EIPR1: variants seen among roughly 807,000 people sequenced by gnomAD.
EIPR1 encodes EARP complex and GARP complex interacting protein 1.
EIPR1 carries 25 observed loss-of-function variants against 48.1 expected under a neutral mutation model. The observed-to-expected ratio is 0.52, with a 90% confidence interval of 0.38 to 0.73. The LOEUF is 0.73. Among genes scored for constraint, EIPR1 ranks in the 30% least tolerant of loss-of-function variants. EIPR1 has a pLI of 0.00. For synonymous variants in EIPR1, 204 were observed against 201.9 expected, an observed-to-expected ratio of 1.01 and a Z score of -0.09; for missense variants, 415 against 506.2, an observed-to-expected ratio of 0.82 and a Z score of 1.73.
intron 3 of EIPR1, among the ~76,000 whole-genome samples, chr2:3,308,607 G>A (rs1244849534): frequency 2.0e-5 from 3 of 152,164 alleles, no homozygotes; most frequent in African/African-American, 7.2e-5. Context: ...TGGGAATAAT[G>A]GACAGAGAGT....
intron 3 of EIPR1, among the ~76,000 whole-genome samples, chr2:3,336,136 G>T (rs1046077916): frequency 3.3e-5 from 5 of 152,178 alleles, no homozygotes; most frequent in Admixed American, 6.5e-5. Context: ...GGAGGGTGAA[G>T]GGTCAAGGAT....
At position 3,189,168 on chromosome 2, in the gene EIPR1, C is replaced by G. The variant is rs775802376; in HGVS notation, c.*166G>C. The G allele has an allele frequency of 1.5e-6, 1 of 657,358 alleles. No homozygotes were observed. The highest frequency in any genetic ancestry group is 3.1e-5 in the East Asian group (1 of 32,776). 40.7% of individuals were successfully genotyped at this position (657,358 alleles called of 1,614,324 possible). On this transcript the variant is annotated 3_prime_UTR_variant, in exon 9 of 9. Coordinates refer to ENST00000382125, the MANE Select transcript of EIPR1 (RefSeq NM_003310.5). This position sits in a 1 kb window ranked among gnomAD's most constrained non-coding sequence, Gnocchi z 4.6. ...GCATTAGCTGTGCCGTCGACAATAG[C>G]CCCATTCACCCCATTCATAAATGCT...
chr2:3,328,793 G>A (rs1669784651), intron 3 of EIPR1, among the ~76,000 whole-genome samples: 1 of 139,158 alleles, frequency 7.2e-6, no homozygotes, highest in Non-Finnish European at 1.6e-5. Context: ...GCACCAGCCA[G>A]GCTCCCCTGA....
intron 3 of EIPR1, among the ~76,000 whole-genome samples, chr2:3,322,165 C>T (rs910890083): frequency 5.3e-5 from 8 of 152,204 alleles, no homozygotes; most frequent in Non-Finnish European, 8.8e-5. Flanking sequence ...GCAGGGCCTC[C>T]GTGGTGCCTT....
At chr2:3,372,638 G>A (rs1007160121) in intron 1 of EIPR1, among the ~76,000 whole-genome samples, 23 of 152,260 alleles carry the variant, frequency 1.5e-4, no homozygotes, top group Admixed American at 1.4e-3. Context: ...AGAAGAAATG[G>A]ATAAATTCCT....
chr2:3,207,134 TACCCACACACCCATCCACGCGTCC>T (rs1338033910), intron 5 of EIPR1, among the ~76,000 whole-genome samples: 1 of 152,172 alleles, frequency 6.6e-6, no homozygotes, highest in Non-Finnish European at 1.5e-5. Flanking sequence ...CGCATCCATG[TACCCACACACCCATCCACGCGTCC>T]ACCCACCCAC....
chr2:3,267,265 G>C (rs533764106), intron 3 of EIPR1, among the ~76,000 whole-genome samples: 227 of 152,346 alleles, frequency 1.5e-3, no homozygotes, highest in Non-Finnish European at 2.6e-3. Flanking sequence ...ATGATGACAG[G>C]AAGGACCAGA....
At chr2:3,377,608 G>T (rs370420558) in intron 1 of EIPR1, 40 bp downstream of exon 1, 11 of 1,557,058 alleles carry the variant, frequency 7.1e-6, no homozygotes, top group Non-Finnish European at 8.7e-6. Flanking sequence ...GCTATCAACA[G>T]CCAGGCCGAG....
chr2:3,284,447 G>C (rs1433055801), intron 3 of EIPR1, among the ~76,000 whole-genome samples: 1 of 120,294 alleles, frequency 8.3e-6, no homozygotes, highest in African/African-American at 3.1e-5. Flanking sequence ...GGCACAGAAG[G>C]CCGCGCCACG....
At chr2:3,277,067 T>C (rs1667870334) in intron 3 of EIPR1, among the ~76,000 whole-genome samples, 1 of 152,168 alleles carries the variant, frequency 6.6e-6, no homozygotes, top group Admixed American at 6.5e-5. Context: ...CTCGGGTGAA[T>C]GTACGAGGAA....
At chr2:3,282,152 C>T (rs1206262512) in intron 3 of EIPR1, among the ~76,000 whole-genome samples, 7 of 152,230 alleles carry the variant, frequency 4.6e-5, no homozygotes, top group Non-Finnish European at 1.0e-4. Context: ...CTAGGACAAA[C>T]CAGCCAACAG....
At chr2:3,373,593 C>G (rs1196805659) in intron 1 of EIPR1, among the ~76,000 whole-genome samples, 1 of 151,852 alleles carries the variant, frequency 6.6e-6, no homozygotes, top group Non-Finnish European at 1.5e-5. Context: ...AACAGACAAA[C>G]AGAGAGCCAA....
In EIPR1 at chr2:3,353,376, C is replaced by CTG; in HGVS notation, c.126+1172_126+1173dup. ...GCTTTTTTACACCACGTTGATCATA[C>CTG]TGTAAGCACAATTTTAACATCCCAC... On this transcript the variant is annotated intron_variant, in intron 2 of 8. Coordinates refer to ENST00000382125, the MANE Select transcript of EIPR1 (RefSeq NM_003310.5). 8.8e-6 allele frequency: 4 copies of CTG among 456,878 alleles called. 1 individual carries two copies. Among genetic ancestry groups the CTG allele is most frequent in the South Asian group, 6.4e-5 (4 of 62,302 alleles). The allele number at this position is 456,878 out of a possible 1,614,324, so 28.3% of individuals were successfully genotyped here.
At chr2:3,302,684 T>A (rs929756049) in intron 3 of EIPR1, among the ~76,000 whole-genome samples, 2 of 152,204 alleles carry the variant, frequency 1.3e-5, no homozygotes, top group African/African-American at 2.4e-5. Flanking sequence ...CCGCTGCGGA[T>A]CCACAGCCCT....
rs367964312 is a variant in EIPR1, at chr2:3,202,794, C to T, written c.517-5777G>A. Among the ~76,000 whole-genome samples, 253 of 152,324 alleles carry T rather than the reference C, an allele frequency of 1.7e-3. 6 individuals carry two copies. In the South Asian group the frequency reaches 0.05, roughly 30 times the overall value. On this transcript the variant is annotated intron_variant, in intron 5 of 8. Transcript: ENST00000382125. ...GAGCACCGCTTGCGTCCAAAACCCA[C>T]GGGATAAAACACATCCTAACCTTCA...
At chr2:3,257,635 C>G in intron 3 of EIPR1, 180 bp from the exon 4 acceptor site, 1 of 587,096 alleles carries the variant, frequency 1.7e-6, no homozygotes, top group South Asian at 3.0e-5. Context: ...GCAGGCAGAA[C>G]CCGGCACGGT....
In EIPR1 at chr2:3,194,245, G is replaced by GT. The variant is rs911297173; in HGVS notation, c.654-80dup. The GT allele has an allele frequency of 3.2e-6, 5 of 1,548,940 alleles. No individual in the cohort carries two copies. The African/African-American group carries it at 6.8e-5, about 21-fold the overall frequency. On this transcript the variant is annotated intron_variant, in intron 6 of 8. Coordinates refer to ENST00000382125, the MANE Select transcript of EIPR1 (RefSeq NM_003310.5). ...CACTGCGTGCTGCGGGCACACACTGGTTTCCCGGGACCCTGTCTAATCCCC... is the reference window on the plus strand; with the variant it reads ...CACTGCGTGCTGCGGGCACACACTGGTTTTCCCGGGACCCTGTCTAATCCCC...
At chr2:3,210,022 G>A (rs73131451) in intron 5 of EIPR1, among the ~76,000 whole-genome samples, 3,246 of 152,268 alleles carry the variant, frequency 0.021, 120 homozygotes, top group African/African-American at 0.072. Context: ...ATGTCAACGA[G>A]GGGCTCTGGG....
intron 3 of EIPR1, among the ~76,000 whole-genome samples, chr2:3,293,895 A>G (rs1365217763): frequency 1.3e-5 from 2 of 152,308 alleles, no homozygotes; most frequent in East Asian, 1.9e-4. Context: ...GAAACCACAC[A>G]TTATTCAAAA....
Sources: gnomAD v4.1 joint callset for allele counts (sites outside exome capture counted in the v4.1 genomes callset) on GRCh38, gnomAD v4.1.1 for gene constraint, Gnocchi (gnomAD v3.1) non-coding constraint, MANE v1.5 for transcripts, NCBI Gene and HGNC (gene_info 2026-07-23, HGNC 2026-07-21) for gene names.